The following ZNF704 variants were observed in gnomAD, a reference collection of about 807,000 sequenced individuals.
ZNF704 encodes the protein zinc finger protein 704, also known as glucocorticoid induced gene 1.
In ZNF704, 10 loss-of-function variants were observed where a neutral mutation model predicts 44.7. The observed-to-expected ratio is 0.22, with a 90% CI of 0.14 to 0.38. The LOEUF (loss-of-function observed/expected upper bound fraction) is 0.38, where lower values mean the gene tolerates loss of function less well. Among genes scored for constraint, ZNF704 ranks in the 10% least tolerant of loss-of-function variants. The probability of loss-of-function intolerance (pLI) is 1.00; values close to 1 mark genes in which losing one functional copy is unlikely to be tolerated. For synonymous variants in ZNF704, 211 were observed against 207.6 expected (o/e 1.02, Z -0.14); for missense variants, 390 against 545.5 (o/e 0.71, Z 2.84).
chr8:80,789,470 G>T (rs183720595), intron 2 of ZNF704, among the ~76,000 whole-genome samples: 1 of 152,276 alleles, frequency 6.6e-6, no homozygotes, highest in Non-Finnish European at 1.5e-5. Context: ...AAATAGGCTG[G>T]GTGTGGTGGC....
At chr8:80,668,368 T>C (rs886339357) in intron 5 of ZNF704, among the ~76,000 whole-genome samples, 1 of 152,202 alleles carries the variant, frequency 6.6e-6, no homozygotes, top group Non-Finnish European at 1.5e-5. Flanking sequence ...CAGTGGCTTG[T>C]CCCAGCCTAG....
chr8:80,709,473 A>G (rs973653025), intron 2 of ZNF704, among the ~76,000 whole-genome samples: 5 of 146,960 alleles, frequency 3.4e-5, no homozygotes, highest in East Asian at 1.9e-4. Flanking sequence ...AAAAAAAAAA[A>G]GCAGTAATGG....
At chr8:80,838,732 TGGAGGAGGA>T (rs140901931) in intron 1 of ZNF704, among the ~76,000 whole-genome samples, 4 of 128,076 alleles carry the variant, frequency 3.1e-5, no homozygotes, top group African/African-American at 6.0e-5. Flanking sequence ...GAGCAGACAC[TGGAGGAGGA>T]GGAGGAGGAG....
At chr8:80,751,895 C>T (rs1186469912) in intron 2 of ZNF704, among the ~76,000 whole-genome samples, 1 of 152,168 alleles carries the variant, frequency 6.6e-6, no homozygotes, top group Non-Finnish European at 1.5e-5. Context: ...TGCCCACCAC[C>T]ACGCCCAGCT....
chr8:80,853,799 G>A (rs1380180374), intron 1 of ZNF704, among the ~76,000 whole-genome samples: 1 of 152,130 alleles, frequency 6.6e-6, no homozygotes, highest in Non-Finnish European at 1.5e-5. Context: ...TACCACTAAT[G>A]ATGATGGAGA....
chr8:80,689,736 T>G (rs1291691636), intron 3 of ZNF704, among the ~76,000 whole-genome samples: 2 of 152,230 alleles, frequency 1.3e-5, no homozygotes, highest in Admixed American at 6.5e-5. Context: ...CATGGCTTCA[T>G]GTCAATGCCA....
At chr8:80,679,002 A>C (rs1818410787) in intron 4 of ZNF704, among the ~76,000 whole-genome samples, 1 of 152,132 alleles carries the variant, frequency 6.6e-6, no homozygotes, top group African/African-American at 2.4e-5. Flanking sequence ...TCTCCTCCAA[A>C]AGTTACCCTA....
Position 80,760,570 on chromosome 8 carries a change from T to G in ZNF704, c.221+60804A>C, listed in dbSNP as rs1311004209. Among the ~76,000 whole-genome samples the G allele has an allele frequency of 2.0e-5, 3 of 149,790 alleles. No individual in the cohort carries two copies. The Admixed American group carries it at 2.0e-4, about 10-fold the overall frequency. On this transcript the variant is annotated intron_variant, in intron 2 of 8. Transcript: ENST00000327835. ...ACTCAGGAGGCTGAGGCAGGAGAAT[T>G]GCTTGAACCCAGGAGGCAGAGGTTG... is the stretch of plus-strand genomic sequence containing the variant.
chr8:80,652,785 AG>A (rs1817944704), intron 7 of ZNF704, among the ~76,000 whole-genome samples: 1 of 152,230 alleles, frequency 6.6e-6, no homozygotes, highest in African/African-American at 2.4e-5. Flanking sequence ...TCCAATCAAC[AG>A]AAAAAGAGGA....
At chr8:80,856,732 G>A (rs564745268) in intron 1 of ZNF704, among the ~76,000 whole-genome samples, 32 of 152,282 alleles carry the variant, frequency 2.1e-4, no homozygotes, top group Non-Finnish European at 1.9e-4. Context: ...AGCATCAGTA[G>A]CACACTGTTA....
intron 1 of ZNF704, among the ~76,000 whole-genome samples, chr8:80,840,316 T>C (rs896236771): frequency 1.3e-5 from 2 of 152,144 alleles, no homozygotes; most frequent in African/African-American, 4.8e-5. Context: ...TGTGCGTGTG[T>C]GTGTGTGTGC....
At chr8:80,784,452 T>C (rs960308810) in intron 2 of ZNF704, among the ~76,000 whole-genome samples, 1 of 152,236 alleles carries the variant, frequency 6.6e-6, no homozygotes, top group Admixed American at 6.5e-5. Context: ...TTCTGGATCT[T>C]GGCCATTTTA....
chr8:80,660,740 A>G (rs929194877), intron 6 of ZNF704, among the ~76,000 whole-genome samples: 3 of 152,186 alleles, frequency 2.0e-5, no homozygotes, highest in Non-Finnish European at 4.4e-5. Context: ...ATCCACGTGC[A>G]GAAACATGAA....
intron 2 of ZNF704, among the ~76,000 whole-genome samples, chr8:80,784,553 G>A (rs1358942004): frequency 2.0e-5 from 3 of 152,208 alleles, no homozygotes; most frequent in East Asian, 1.9e-4. Context: ...TGCCATCTGC[G>A]TGTCTTCTTT....
chr8:80,835,701 C>G (rs1355380545), intron 1 of ZNF704, among the ~76,000 whole-genome samples: 1 of 152,160 alleles, frequency 6.6e-6, no homozygotes, highest in East Asian at 1.9e-4. Context: ...TTAATTTTTT[C>G]CGTTTGGCAT....
chr8:80,649,129 G>T (rs547575743), intron 7 of ZNF704, among the ~76,000 whole-genome samples: 1 of 152,190 alleles, frequency 6.6e-6, no homozygotes, highest in Admixed American at 6.5e-5. Context: ...AAAATTATTG[G>T]GCTATATGTA....
At chr8:80,751,728 G>A (rs757120981) in intron 2 of ZNF704, among the ~76,000 whole-genome samples, 5 of 152,128 alleles carry the variant, frequency 3.3e-5, no homozygotes, top group Non-Finnish European at 5.9e-5. Context: ...GGCATGACTT[G>A]AAGTCAGCCA....
intron 1 of ZNF704, among the ~76,000 whole-genome samples, chr8:80,824,645 A>G (rs1291112207): frequency 1.3e-5 from 2 of 152,222 alleles, no homozygotes; most frequent in African/African-American, 4.8e-5. Flanking sequence ...AGCTGAAATG[A>G]AGGAAAAAAT....
chr8:80,630,520 A>T lies in ZNF704; in HGVS notation c.*10846T>A, dbSNP rs189598928. On this transcript the variant is annotated 3_prime_UTR_variant, in exon 9 of 9. Coordinates refer to ENST00000327835, the MANE Select transcript of ZNF704 (RefSeq NM_001033723.3). Reference sequence around the variant, plus strand: ...ATATTTTAGATTTGGTGTAGAAAACAATTCAGAAGATGGCTTAATTTTTTA... The same window carrying T: ...ATATTTTAGATTTGGTGTAGAAAACTATTCAGAAGATGGCTTAATTTTTTA... The T allele has an allele frequency of 2.6e-5, 4 of 152,370 alleles. No individual in the cohort carries two copies. The highest frequency in any genetic ancestry group is 9.6e-5 in the African/African-American group (4 of 41,592). 9.4% of individuals were successfully genotyped at this position (152,370 alleles called of 1,614,324 possible).
Sources: gnomAD v4.1 joint callset for allele counts (sites outside exome capture counted in the v4.1 genomes callset) on GRCh38, gnomAD v4.1.1 for gene constraint, MANE v1.5 for transcripts, NCBI Gene and HGNC (gene_info 2026-07-23, HGNC 2026-07-21) for gene names.